UBA2: variants seen among roughly 807,000 people sequenced by gnomAD.
The protein encoded by UBA2 is SUMO-activating enzyme subunit 2.
A neutral mutation model predicts 77.2 loss-of-function variants in UBA2; 11 were observed. The observed-to-expected ratio is 0.14, with a 90% CI of 0.09 to 0.24. UBA2 has a LOEUF of 0.24. Ranked by LOEUF, UBA2 falls within the 10% of genes least tolerant of loss-of-function variation. UBA2 has a pLI of 1.00. For missense variants in UBA2, 487 were observed against 781.7 expected (o/e 0.62, Z 4.50); for synonymous variants, 278 against 276.7 (o/e 1.00, Z -0.05).
At chr19:34,447,453 C>T (rs1484550397) in intron 8 of UBA2, among the ~76,000 whole-genome samples, 1 of 152,198 alleles carries the variant, frequency 6.6e-6, no homozygotes, top group Non-Finnish European at 1.5e-5. Flanking sequence ...CCGTAAACTT[C>T]GATATGGTCA....
intron 10 of UBA2, 86 bp downstream of exon 10, chr19:34,452,233 G>T (rs1322298091): frequency 1.7e-6 from 2 of 1,183,856 alleles, no homozygotes; most frequent in South Asian, 1.9e-5. Flanking sequence ...GTCATTTTTT[G>T]AATATTTACT....
chr19:34,434,724 A>G (rs2075290860), intron 4 of UBA2, 144 bp from the exon 5 acceptor site: 1 of 618,074 alleles, frequency 1.6e-6, no homozygotes, highest in South Asian at 1.9e-5. Flanking sequence ...GTCTGTAATT[A>G]ACAGTTGTAT....
intron 16 of UBA2, among the ~76,000 whole-genome samples, chr19:34,468,110 C>G (rs1202085552): frequency 6.6e-6 from 1 of 152,110 alleles, no homozygotes; most frequent in Admixed American, 6.6e-5. Flanking sequence ...TTACTGTATT[C>G]TGATTTGAAT....
At chr19:34,432,338 G>A (rs1167660968) in intron 3 of UBA2, among the ~76,000 whole-genome samples, 1 of 152,138 alleles carries the variant, frequency 6.6e-6, no homozygotes, top group African/African-American at 2.4e-5. Flanking sequence ...TGGAATTGTG[G>A]TAGGGCAGTA....
At chr19:34,461,900 C>T (rs1414119755) in intron 14 of UBA2, among the ~76,000 whole-genome samples, 1 of 152,086 alleles carries the variant, frequency 6.6e-6, no homozygotes, top group Non-Finnish European at 1.5e-5. Context: ...AGAGGGAGTA[C>T]TCTTGGGTCA....
intron 14 of UBA2, 137 bp downstream of exon 14, chr19:34,460,703 A>G (rs745379510): frequency 5.1e-6 from 3 of 593,816 alleles, no homozygotes; most frequent in Non-Finnish European, 8.4e-6. Flanking sequence ...TGCTCTTTCA[A>G]GGTGACATTG....
At chr19:34,449,190 C>G (rs1461397725) in intron 8 of UBA2, among the ~76,000 whole-genome samples, 3 of 150,792 alleles carry the variant, frequency 2.0e-5, no homozygotes, top group Admixed American at 1.3e-4. Context: ...CTGCCTCAGC[C>G]TCCCGAGTAG....
At position 34,444,990 on chromosome 19, in the gene UBA2, C is replaced by A; in HGVS notation, c.650-10C>A. 1 of 1,603,618 alleles carries A rather than the reference C, an allele frequency of 6.2e-7. No individual in the cohort carries two copies. Among genetic ancestry groups the A allele is most frequent in the South Asian group, 1.1e-5 (1 of 88,670 alleles). On this transcript the variant is annotated splice_polypyrimidine_tract_variant and intron_variant, in intron 7 of 16. Coordinates refer to ENST00000246548, the MANE Select transcript of UBA2 (RefSeq NM_005499.3). ...TTACGGTTGAAAATAAAATAATGAT[C>A]GTTTTATAGGGGAACCAACGGAAGC...
chr19:34,462,979 C>T (rs2075647978), intron 14 of UBA2, among the ~76,000 whole-genome samples: 1 of 152,052 alleles, frequency 6.6e-6, no homozygotes, highest in East Asian at 1.9e-4. Flanking sequence ...TGCATTTAAT[C>T]CCAGCTATTC....
At chr19:34,445,728 G>T (rs2075422637) in intron 8 of UBA2, among the ~76,000 whole-genome samples, 1 of 152,058 alleles carries the variant, frequency 6.6e-6, no homozygotes, top group South Asian at 2.1e-4. Context: ...GTGAGCCACT[G>T]CTCCTGGCTT....
intron 6 of UBA2, 24 bp from the exon 7 acceptor site, chr19:34,443,820 G>A: frequency 7.1e-7 from 1 of 1,404,688 alleles, no homozygotes; most frequent in Non-Finnish European, 1.0e-6. Context: ...TTATACAGAA[G>A]TATTTACTAT....
rs148155522 is a variant in UBA2 at position 34,464,415 on chromosome 19, G to T, written c.1604+284G>T. 9.5e-4 allele frequency among the ~76,000 whole-genome samples: 145 copies of T among 152,098 alleles called. 1 individual carries two copies. Among genetic ancestry groups the T allele is most frequent in the Middle Eastern group, 3.4e-3 (1 of 294 alleles). ...TCTGCTAAAAATGCAAAAATTAGCC[G>T]GGCATAGTGGCAGGCGCCTGTAGTC... On this transcript the variant is annotated intron_variant, in intron 15 of 16. Transcript: ENST00000246548.
intron 14 of UBA2, among the ~76,000 whole-genome samples, chr19:34,462,185 GGGTTTAAA>G (rs2075638709): frequency 1.3e-5 from 2 of 152,170 alleles, no homozygotes; most frequent in South Asian, 4.1e-4. Flanking sequence ...CCTGCCACCA[GGGTTTAAA>G]CAGGGGAGTA....
intron 14 of UBA2, 141 bp from the exon 15 acceptor site, chr19:34,463,885 C>T (rs1265293360): frequency 4.8e-6 from 3 of 629,342 alleles, no homozygotes; most frequent in Admixed American, 5.6e-5. Flanking sequence ...TTCTGAGATA[C>T]TGGGGATTAG....
chr19:34,439,044 C>G (rs1258039886), intron 6 of UBA2, among the ~76,000 whole-genome samples: 4 of 151,966 alleles, frequency 2.6e-5, no homozygotes, highest in African/African-American at 9.7e-5. Flanking sequence ...CACATCTCTA[C>G]TAAAAATACA....
intron 2 of UBA2, 111 bp downstream of exon 2, chr19:34,430,770 C>A: frequency 1.3e-6 from 1 of 749,102 alleles, no homozygotes; most frequent in Non-Finnish European, 2.3e-6. Flanking sequence ...GCTCTCATTT[C>A]AGCTGAGAGA....
intron 1 of UBA2, chr19:34,429,099 C>T (rs894335536): frequency 1.0e-6 from 1 of 983,096 alleles, no homozygotes; most frequent in Non-Finnish European, 1.2e-6. Context: ...CTATTTCCAC[C>T]CTGCTTTATT....
rs1213657130 is a variant in UBA2, at chr19:34,470,086, C to G, written c.*865C>G. On this transcript the variant is annotated 3_prime_UTR_variant, in exon 17 of 17. Coordinates refer to ENST00000246548, the MANE Select transcript of UBA2 (RefSeq NM_005499.3). Reference sequence around the variant, plus strand: ...CCTGGTCAACATGGTGAAACCCCATCTCTACTAAAAAAAAAAAAAAAAATT... The same window carrying G: ...CCTGGTCAACATGGTGAAACCCCATGTCTACTAAAAAAAAAAAAAAAAATT... 1 of 118,372 alleles carries G rather than the reference C, an allele frequency of 8.4e-6. No homozygotes were observed. Among genetic ancestry groups the G allele is most frequent in the African/African-American group, 3.2e-5 (1 of 31,088 alleles). The allele number at this position is 118,372 out of a possible 1,614,324, so 7.3% of individuals were successfully genotyped here. A position where few individuals can be genotyped will look rare whatever the true frequency, so the allele number is the denominator to read the frequency against.
chr19:34,442,260 T>A (rs914348408), intron 6 of UBA2, among the ~76,000 whole-genome samples: 2 of 151,938 alleles, frequency 1.3e-5, no homozygotes, highest in African/African-American at 4.8e-5. Flanking sequence ...TCTGGCAAAA[T>A]TAATATGAGC....
Sources: allele counts gnomAD v4.1 joint callset (sites outside exome capture counted in the v4.1 genomes callset), GRCh38; gene constraint gnomAD v4.1.1; transcripts MANE v1.5; gene names NCBI Gene and HGNC (gene_info 2026-07-23, HGNC 2026-07-21).